Variants in UGT2B7 observed in about 807,000 individuals in gnomAD.
UGT2B7 encodes UDP glucuronosyltransferase family 2 member B7.
Under a neutral mutation model 51.9 loss-of-function variants are expected in UGT2B7, and 51 were observed. The ratio of observed to expected loss-of-function variants is 0.98; its 90% CI spans 0.78 to 1.24. The LOEUF is 1.24. Among genes scored for constraint, UGT2B7 ranks in the 50% most tolerant of loss-of-function variants. The probability of loss-of-function intolerance (pLI) is 0.00; values close to 1 mark genes in which losing one functional copy is unlikely to be tolerated. For synonymous variants in UGT2B7, 225 were observed against 211.6 expected (o/e 1.06, Z -0.55); for missense variants, 727 against 628.4 (o/e 1.16, Z -1.68).
At chr4:69,065,560 G>A (rs1718464024) in intron 1 of UGT2B7, among the ~76,000 whole-genome samples, 1 of 152,116 alleles carries the variant, frequency 6.6e-6, no homozygotes, top group Non-Finnish European at 1.5e-5. Flanking sequence ...CTCGATATAT[G>A]TGAAAAATAT....
At chr4:69,081,545 C>T (rs1718837963) in intron 1 of UGT2B7, among the ~76,000 whole-genome samples, 1 of 152,084 alleles carries the variant, frequency 6.6e-6, no homozygotes, top group African/African-American at 2.4e-5. Context: ...ACAAGACCTC[C>T]AATTTCAACC....
intron 1 of UGT2B7, among the ~76,000 whole-genome samples, chr4:69,098,190 GT>G (rs1015153494): frequency 5.9e-5 from 9 of 151,950 alleles, no homozygotes; most frequent in Non-Finnish European, 1.2e-4. Flanking sequence ...TCAAAGAGTT[GT>G]TTAAATGTCC....
At chr4:69,055,992 C>A (rs1305791644) in intron 1 of UGT2B7, among the ~76,000 whole-genome samples, 1 of 152,034 alleles carries the variant, frequency 6.6e-6, no homozygotes, top group Non-Finnish European at 1.5e-5. Context: ...AGAATTCTAC[C>A]AGGACTGGAT....
chr4:69,085,672 T>C (rs1577916257), intron 1 of UGT2B7, among the ~76,000 whole-genome samples: 2 of 152,064 alleles, frequency 1.3e-5, no homozygotes, highest in Admixed American at 1.3e-4. Flanking sequence ...TTTTTGTTTT[T>C]GTTTTGTGAG....
intron 2 of UGT2B7, among the ~76,000 whole-genome samples, chr4:69,089,926 C>G (rs1577917852): frequency 6.6e-6 from 1 of 152,100 alleles, no homozygotes; most frequent in South Asian, 2.1e-4. Flanking sequence ...ATAAAAAAAC[C>G]CTGAAGTGTA....
At chr4:69,065,363 C>A (rs555089599) in intron 1 of UGT2B7, among the ~76,000 whole-genome samples, 1 of 152,130 alleles carries the variant, frequency 6.6e-6, no homozygotes, top group Non-Finnish European at 1.5e-5. Flanking sequence ...GGGATCAAAT[C>A]CTGCCCTTAA....
chr4:69,083,181 T>G (rs142923124), intron 1 of UGT2B7, among the ~76,000 whole-genome samples: 13 of 152,134 alleles, frequency 8.5e-5, no homozygotes, highest in African/African-American at 2.9e-4. Flanking sequence ...AAAATGCACA[T>G]GGACACCCAA....
Position 69,107,201 on chromosome 4 carries a change from A to G in UGT2B7, c.1029A>G (p.Lys343=). 6.2e-7 allele frequency: 1 copy of G among 1,609,612 alleles called. No individual in the cohort carries two copies. Among genetic ancestry groups the G allele is most frequent in the Non-Finnish European group, 8.5e-7 (1 of 1,177,246 alleles). ...QKVLWRFDGN[K]PDTLGLNTRL... The stretch of plus-strand genomic sequence containing the variant: ...TTCTGTGGAGATTTGATGGGAATAA[A>G]CCAGATACCTTAGGTCTCAATACTC... The change falls in exon 4 of 6, where the codon AAA becomes AAG. Residue 343 remains lysine (K), a synonymous_variant. Coordinates refer to ENST00000305231, the MANE Select transcript of UGT2B7 (RefSeq NM_001074.4).
intron 1 of UGT2B7, among the ~76,000 whole-genome samples, chr4:69,067,224 CCCCAGAGG>C (rs1718499520): frequency 6.6e-6 from 1 of 152,110 alleles, no homozygotes; most frequent in Non-Finnish European, 1.5e-5. Flanking sequence ...TCACTTATTG[CCCCAGAGG>C]ACTTGGTGCA....
intron 1 of UGT2B7, among the ~76,000 whole-genome samples, chr4:69,084,780 C>T (rs1480276109): frequency 1.3e-5 from 2 of 152,126 alleles, no homozygotes; most frequent in Admixed American, 1.3e-4. Context: ...GTCTGTGTCC[C>T]TACAAAGGGC....
intron 2 of UGT2B7, among the ~76,000 whole-genome samples, chr4:69,101,283 A>G (rs1317988877): frequency 6.6e-6 from 1 of 152,078 alleles, no homozygotes; most frequent in Non-Finnish European, 1.5e-5. Context: ...AGCCATGATG[A>G]AAAAATATAT....
At position 69,098,815 on chromosome 4, in the gene UGT2B7, A is replaced by T. The variant is rs1013588944; in HGVS notation, c.870+127A>T. Reference sequence around the variant, plus strand: ...ATGGGAAATGGGTGGGGTAAAGCAGATACCAATTAGAAACTCATGTGCACG... The same window carrying T: ...ATGGGAAATGGGTGGGGTAAAGCAGTTACCAATTAGAAACTCATGTGCACG... On this transcript the variant is annotated intron_variant, in intron 2 of 5. Coordinates refer to ENST00000305231, the MANE Select transcript of UGT2B7 (RefSeq NM_001074.4). 1.8e-5 allele frequency: 27 copies of T among 1,483,360 alleles called. No individual in the cohort carries two copies. In the African/African-American group the frequency reaches 3.9e-4, roughly 21 times the overall value. 91.9% of individuals were successfully genotyped at this position (1,483,360 alleles called of 1,614,324 possible).
At chr4:69,064,102 GAAAGAAAGAA>G (rs199577374) in intron 1 of UGT2B7, among the ~76,000 whole-genome samples, 3,880 of 113,996 alleles carry the variant, frequency 0.034, 236 homozygotes, top group African/African-American at 0.075. Context: ...GAAAGAGAAA[GAAAGAAAGAA>G]AAAGAAAGAA....
intron 2 of UGT2B7, among the ~76,000 whole-genome samples, chr4:69,102,031 T>C (rs1471697944): frequency 2.0e-5 from 3 of 152,168 alleles, no homozygotes; most frequent in Non-Finnish European, 4.4e-5. Context: ...GGAAAAGTTA[T>C]TCCACCTAAA....
chr4:69,052,357 T>C (rs1433220224), intron 1 of UGT2B7, among the ~76,000 whole-genome samples: 1 of 152,042 alleles, frequency 6.6e-6, no homozygotes, highest in African/African-American at 2.4e-5. Context: ...AGGCCATCTA[T>C]ACCAATTCTA....
At chr4:69,057,984 AT>A (rs1378755784) in intron 1 of UGT2B7, among the ~76,000 whole-genome samples, 1 of 152,190 alleles carries the variant, frequency 6.6e-6, no homozygotes, top group Non-Finnish European at 1.5e-5. Context: ...ATTTCCTTAT[AT>A]TAACTCATGG....
Position 69,112,576 on chromosome 4 carries a change from G to A in UGT2B7, c.1430G>A (p.Arg477Gln), listed in dbSNP as rs569354249. 8.7e-6 allele frequency: 14 copies of A among 1,613,856 alleles called. No individual in the cohort carries two copies. The highest frequency in any genetic ancestry group is 4.4e-5 in the South Asian group (4 of 91,072). The part of the protein sequence containing the change: ...VMRHKGAKHL[R>Q]VAAHDLTWFQ... ...CGCCACAAAGGAGCTAAACACCTTCGGGTTGCAGCCCACGACCTCACCTGG... is the reference window on the plus strand; with the variant it reads ...CGCCACAAAGGAGCTAAACACCTTCAGGTTGCAGCCCACGACCTCACCTGG... Residue 477 changes from arginine (R) to glutamine (Q), a missense_variant, in exon 6 of 6, where the codon CGG becomes CAG. By Grantham distance (43) the Arg-to-Gln change is conservative (BLOSUM62 1). Transcript: ENST00000305231.
At chr4:69,091,494 A>AT (rs1286308749), upstream of UGT2B7, among the ~76,000 whole-genome samples, 1 of 152,110 alleles carries the variant, frequency 6.6e-6, no homozygotes, top group African/African-American at 2.4e-5. Context: ...TGGATACATA[A>AT]TTTTTTGATT....
chr4:69,102,416 A>G (rs1309430982), intron 2 of UGT2B7, among the ~76,000 whole-genome samples: 1 of 152,192 alleles, frequency 6.6e-6, no homozygotes, highest in African/African-American at 2.4e-5. Flanking sequence ...GTAGAACAAC[A>G]ATATAGAATT....
Sources: allele counts gnomAD v4.1 joint callset (sites outside exome capture counted in the v4.1 genomes callset), GRCh38; gene constraint gnomAD v4.1.1; transcripts MANE v1.5; gene names NCBI Gene and HGNC (gene_info 2026-07-23, HGNC 2026-07-21).